Variants in NRL observed in about 807,000 individuals in gnomAD.
NRL encodes neural retina-specific leucine zipper protein.
In NRL, 16 loss-of-function variants were observed where a neutral mutation model predicts 12.5. That is an observed-to-expected ratio of 1.28 (90% CI 0.87 to 1.95). The LOEUF is 1.95. Among genes scored for constraint, NRL ranks in the 30% most tolerant of loss-of-function variants. NRL has a pLI of 0.00. For missense variants in NRL, 314 were observed against 325.8 expected, an observed-to-expected ratio of 0.96 and a Z score of 0.28; for synonymous variants, 142 against 150.9, an observed-to-expected ratio of 0.94 and a Z score of 0.43.
intron 1 of NRL, among the ~76,000 whole-genome samples, chr14:24,109,229 C>T (rs2037382108): frequency 6.6e-6 from 1 of 152,174 alleles, no homozygotes. Flanking sequence ...AAAATCAAGA[C>T]AGCATAGGCA....
chr14:24,110,975 G>A (rs2138996180), intron 1 of NRL, among the ~76,000 whole-genome samples: 1 of 152,316 alleles, frequency 6.6e-6, no homozygotes, highest in Non-Finnish European at 1.5e-5. Context: ...ATGAACAATA[G>A]TGAGCCATTT....
At chr14:24,095,492 C>G in intron 1 of NRL, 1 of 309,816 alleles carries the variant, frequency 3.2e-6, no homozygotes, top group Non-Finnish European at 6.6e-6. Context: ...TATCCATGCT[C>G]TGAGCTTTCT....
rs142698445 is a variant in NRL, at chr14:24,091,900, C to G, written c.-27-9025G>C. Among the ~76,000 whole-genome samples the G allele has an allele frequency of 7.2e-5, 11 of 152,034 alleles. No homozygotes were observed. The East Asian group carries it at 2.1e-3, about 29-fold the overall frequency. ...AAGGAAAGTACACTTGGAAGAGGCC[C>G]AAGCAGGCATCTTGGAGGTCAAGTG... On this transcript the variant is annotated intron_variant, in intron 1 of 2. Transcript: ENST00000561028.
At chr14:24,090,284 C>CGGGGGGG (rs1198592711) in intron 1 of NRL, among the ~76,000 whole-genome samples, 1 of 7,940 alleles carries the variant, frequency 1.3e-4, no homozygotes, top group Admixed American at 1.3e-3. Flanking sequence ...GGGGGGGGCA[C>CGGGGGGG]GGGGGGGGAC....
In NRL at chr14:24,082,486, T is replaced by A. The variant is rs750036289; in HGVS notation, c.363A>T (p.Thr121=). ...HGYYPGSPEE[T]GAQHVQLAER... Reference sequence around the variant, plus strand: ...CACTCACCTGGACGTGCTGGGCTCCTGTCTCCTCTGGGCTCCCTGGGTAGT... The same window carrying A: ...CACTCACCTGGACGTGCTGGGCTCCAGTCTCCTCTGGGCTCCCTGGGTAGT... The change falls in exon 2 of 3, where the codon ACA becomes ACT. Residue 121 remains threonine (T), a synonymous_variant. Transcript: ENST00000561028. 6.2e-7 allele frequency: 1 copy of A among 1,612,700 alleles called. No homozygotes were observed. The highest frequency in any genetic ancestry group is 1.7e-5 in the Admixed American group (1 of 60,008).
chr14:24,095,896 G>A (rs577074694), intron 1 of NRL, among the ~76,000 whole-genome samples: 1 of 152,132 alleles, frequency 6.6e-6, no homozygotes, highest in East Asian at 1.9e-4. Context: ...ATACTTACCC[G>A]AGGGCAACAT....
chr14:24,114,821 G>T lies in NRL; in HGVS notation c.-127C>A, dbSNP rs555371389. On this transcript the variant is annotated 5_prime_UTR_variant, in exon 1 of 3. Coordinates refer to ENST00000561028, the MANE Select transcript of NRL (RefSeq NM_001354768.3). Reference sequence around the variant, plus strand: ...CCGGCCAGGAAGCCGCGAGATGCGTGACGAGCGAAGCGCGTGACGGAGGAG... The same window carrying T: ...CCGGCCAGGAAGCCGCGAGATGCGTTACGAGCGAAGCGCGTGACGGAGGAG... 1.4e-4 allele frequency: 136 copies of T among 985,958 alleles called. No individual in the cohort carries two copies. Among genetic ancestry groups the T allele is most frequent in the Middle Eastern group, 5.2e-4 (1 of 1,914 alleles). 61.1% of individuals were successfully genotyped at this position (985,958 alleles called of 1,614,324 possible).
chr14:24,100,375 C>A (rs1485903312), intron 1 of NRL: 27 of 1,405,922 alleles, frequency 1.9e-5, no homozygotes, highest in Admixed American at 3.0e-5. Flanking sequence ...CAGTTCATGT[C>A]CCAACTCCAC....
Position 24,094,608 on chromosome 14 carries a change from G to T in NRL, c.-27-11733C>A. 1.4e-6 allele frequency: 2 copies of T among 1,461,746 alleles called. No homozygotes were observed. The highest frequency in any genetic ancestry group is 1.4e-5 in the African/African-American group (1 of 70,950). 90.5% of individuals were successfully genotyped at this position (1,461,746 alleles called of 1,614,324 possible). ...CCCGCGCCGCGCGTCTCTTGGGAGG[G>T]CAGCCGGCCGGTGCTCCTCGTTTCC... On this transcript the variant is annotated intron_variant, in intron 1 of 2. Coordinates refer to ENST00000561028, the MANE Select transcript of NRL (RefSeq NM_001354768.3). This position sits in a 1 kb window ranked among gnomAD's most constrained non-coding sequence, Gnocchi z 4.1.
At chr14:24,095,617 A>C (rs2036836370) in intron 1 of NRL, among the ~76,000 whole-genome samples, 1 of 151,920 alleles carries the variant, frequency 6.6e-6, no homozygotes, top group African/African-American at 2.4e-5. Context: ...GAGCCAGGGG[A>C]AGCACGGGGT....
At chr14:24,109,082 A>T (rs2037380397) in intron 1 of NRL, among the ~76,000 whole-genome samples, 1 of 152,178 alleles carries the variant, frequency 6.6e-6, no homozygotes, top group Admixed American at 6.5e-5. Context: ...AATTACCAGA[A>T]ATTGTCCTAA....
At position 24,094,193 on chromosome 14, in the gene NRL, C is replaced by CCCGGGG. The variant is rs2036741077; in HGVS notation, c.-27-11324_-27-11319dup. The CCCGGGG allele has an allele frequency of 3.5e-6, 2 of 563,944 alleles. No homozygotes were observed. Among genetic ancestry groups the CCCGGGG allele is most frequent in the Admixed American group, 3.8e-5 (1 of 26,520 alleles). The allele number at this position is 563,944 out of a possible 1,614,324, so 34.9% of individuals were successfully genotyped here. A position where few individuals can be genotyped will look rare whatever the true frequency, so the allele number is the denominator to read the frequency against. ...GCTGGGCTGACCTGGAGCCTGGAGC[C>CCCGGGG]CCGGGGCCGAGGGAGCTGGCCTGCC... On this transcript the variant is annotated intron_variant, in intron 1 of 2. Coordinates refer to ENST00000561028, the MANE Select transcript of NRL (RefSeq NM_001354768.3). This position sits in a 1 kb window ranked among gnomAD's most constrained non-coding sequence, Gnocchi z 4.1.
chr14:24,082,478 T>C lies in NRL; in HGVS notation c.371A>G (p.Gln124Arg), dbSNP rs764142151. 3.7e-6 allele frequency: 6 copies of C among 1,612,638 alleles called. No individual in the cohort carries two copies. Among genetic ancestry groups the C allele is most frequent in the Non-Finnish European group, 8.5e-7 (1 of 1,180,024 alleles). ...YPGSPEETGA[Q>R]HVQLAERFSD... ...TTGCTGACCACTCACCTGGACGTGC[T>C]GGGCTCCTGTCTCCTCTGGGCTCCC... The change falls in exon 2 of 3, where the codon CAG becomes CGG. Residue 124 changes from glutamine to arginine, a missense_variant. Coordinates refer to ENST00000561028, the MANE Select transcript of NRL (RefSeq NM_001354768.3).
At chr14:24,097,310 A>G (rs1037813845) in intron 1 of NRL, among the ~76,000 whole-genome samples, 1 of 151,434 alleles carries the variant, frequency 6.6e-6, no homozygotes, top group Admixed American at 6.6e-5. Flanking sequence ...CAGCACTTTG[A>G]GAGGCCAAGG....
Position 24,098,591 on chromosome 14 carries a change from C to T in NRL, c.-27-15716G>A, listed in dbSNP as rs753706965. 136 of 1,614,066 alleles carry T rather than the reference C, an allele frequency of 8.4e-5. 2 individuals are homozygous for T. The Middle Eastern group carries it at 2.3e-3, about 27-fold the overall frequency. ...GGTGGCAAGCATGCGTATTATGACCCGACTGGGGACACCTGTGCTTCAGGC... is the reference window on the plus strand; with the variant it reads ...GGTGGCAAGCATGCGTATTATGACCTGACTGGGGACACCTGTGCTTCAGGC... On this transcript the variant is annotated intron_variant, in intron 1 of 2. Transcript: ENST00000561028.
At chr14:24,088,803 ATTTTTT>A (rs756699961) in intron 1 of NRL, among the ~76,000 whole-genome samples, 3 of 106,430 alleles carry the variant, frequency 2.8e-5, no homozygotes, top group Admixed American at 9.6e-5. Context: ...TGCCTGGCTA[ATTTTTT>A]TTTTTTTTTT....
intron 1 of NRL, chr14:24,100,401 T>G: frequency 7.6e-7 from 1 of 1,318,868 alleles, no homozygotes; most frequent in Non-Finnish European, 1.0e-6. Context: ...ACTGGTTTTG[T>G]GATCTGGCTA....
intron 1 of NRL, chr14:24,099,528 T>G (rs1441475970): frequency 6.5e-7 from 1 of 1,549,722 alleles, no homozygotes; most frequent in East Asian, 2.2e-5. Context: ...TGGTGACCTC[T>G]TTCTTATTCC....
chr14:24,098,749 C>T (rs1401795830), intron 1 of NRL: 6 of 1,311,674 alleles, frequency 4.6e-6, no homozygotes, highest in Middle Eastern at 2.5e-4. Flanking sequence ...CAAATCCTAC[C>T]TCTCCACAGA....
Sources: allele counts gnomAD v4.1 joint callset (sites outside exome capture counted in the v4.1 genomes callset), GRCh38; gene constraint gnomAD v4.1.1; non-coding constraint Gnocchi (gnomAD v3.1); transcripts MANE v1.5; gene names NCBI Gene and HGNC (gene_info 2026-07-23, HGNC 2026-07-21).